The following ODAD2 variants were observed in gnomAD, a reference collection of about 807,000 sequenced individuals.
ODAD2 encodes the protein outer dynein arm docking complex subunit 2.
In ODAD2, 89 loss-of-function variants were observed where a neutral mutation model predicts 106.8. That is an observed-to-expected ratio of 0.83 (90% CI 0.70 to 0.99). The LOEUF is 0.99. Among genes scored for constraint, ODAD2 ranks in the 50% least tolerant of loss-of-function variants. The probability of loss-of-function intolerance (pLI) is 0.00; values close to 1 mark genes in which losing one functional copy is unlikely to be tolerated. For missense variants in ODAD2, 1,168 were observed against 1,238.5 expected (o/e 0.94, Z 0.85); for synonymous variants, 404 against 436.2 (o/e 0.93, Z 0.92).
At chr10:27,993,250 G>A (rs1850339211) in intron 2 of ODAD2, among the ~76,000 whole-genome samples, 1 of 152,170 alleles carries the variant, frequency 6.6e-6, no homozygotes, top group Admixed American at 6.6e-5. Flanking sequence ...TTTTACGTAG[G>A]AGATCATATT....
intron 7 of ODAD2, among the ~76,000 whole-genome samples, chr10:27,972,080 TAAC>T (rs759132626): frequency 1.3e-5 from 2 of 152,150 alleles, no homozygotes; most frequent in Non-Finnish European, 2.9e-5. Flanking sequence ...GCAAAAATAG[TAAC>T]AACGTTTTGA....
chr10:27,924,795 T>C (rs1202532893), intron 16 of ODAD2, among the ~76,000 whole-genome samples: 1 of 151,216 alleles, frequency 6.6e-6, no homozygotes, highest in Non-Finnish European at 1.5e-5. Flanking sequence ...CCTAATAAAA[T>C]GCAGATTTCC....
At chr10:27,852,767 C>A (rs1839358863) in intron 19 of ODAD2, among the ~76,000 whole-genome samples, 1 of 151,440 alleles carries the variant, frequency 6.6e-6, no homozygotes, top group Non-Finnish European at 1.5e-5. Flanking sequence ...TCGAGACCAG[C>A]CTGACCAACA....
chr10:27,812,526 C>T lies in ODAD2; in HGVS notation c.3121G>A (p.Ala1041Thr), dbSNP rs3737184. The T allele has an allele frequency of 1.9e-6, 3 of 1,612,856 alleles. No individual in the cohort carries two copies. The highest frequency in any genetic ancestry group is 1.3e-5 in the African/African-American group (1 of 74,964). The stretch of plus-strand genomic sequence containing the variant: ...CCATTTAAATTTCAAGTGTATCTTG[C>T]CTTCTCTGTAGCAAGAGCCAGCCTG... ...IRRLALATEK[A>T]RYT The change falls in exon 20 of 20, where the codon GCA becomes ACA. Residue 1041 changes from alanine (A) to threonine (T), a missense_variant. Ala to Thr is a moderately conservative substitution (Grantham distance 58). This residue lies in a region of ODAD2 where 701 missense variants were observed against 712.3 expected (regional missense o/e 0.98). Coordinates refer to ENST00000305242, the MANE Select transcript of ODAD2 (RefSeq NM_018076.5).
chr10:27,948,066 TGCA>T (rs1018921606), intron 10 of ODAD2, among the ~76,000 whole-genome samples: 18 of 152,180 alleles, frequency 1.2e-4, no homozygotes, highest in African/African-American at 3.9e-4. Context: ...GCCATTTAAT[TGCA>T]GCAGATGTCC....
chr10:27,939,983 C>CT lies in ODAD2; in HGVS notation c.2010dup (p.Ala671SerfsTer6), dbSNP rs1564526396. 5 of 1,609,878 alleles carry CT rather than the reference C, an allele frequency of 3.1e-6. No individual in the cohort carries two copies. In the South Asian group the frequency reaches 5.5e-5, roughly 18 times the overall value. On this transcript the variant is annotated frameshift_variant, in exon 14 of 20. Coordinates refer to ENST00000305242, the MANE Select transcript of ODAD2 (RefSeq NM_018076.5). LOFTEE classifies it high-confidence loss of function. ...ACAAGGTTTTCAATGATCCTTTCTG[C>CT]TTTGATTGCAGCCCGGTAGTTTTCC...
rs1437209174 is a variant in ODAD2, at chr10:27,882,209, G to GAAAA, written c.2611-19588_2611-19587insTTTT. ...AGAAAGAAAGAAAGAAAGAAAGAAA[G>GAAAA]AAAGAAAGAAAGAAAGAAAGAAAGA... On this transcript the variant is annotated intron_variant, in intron 17 of 19. Transcript: ENST00000305242. Among the ~76,000 whole-genome samples, 24 of 150,976 alleles carry GAAAA rather than the reference G, an allele frequency of 1.6e-4. No homozygotes were observed. The South Asian group carries it at 2.1e-3, about 13-fold the overall frequency.
At chr10:27,971,063 G>C (rs1201958771) in intron 8 of ODAD2, 45 bp downstream of exon 8, 1 of 1,226,020 alleles carries the variant, frequency 8.2e-7, no homozygotes, top group African/African-American at 1.5e-5. Context: ...AGGTGAGTAT[G>C]GTTACTAATG....
chr10:27,944,988 G>A (rs1350920869), intron 10 of ODAD2, 26 bp from the exon 11 acceptor site: 1 of 1,612,854 alleles, frequency 6.2e-7, no homozygotes, highest in Non-Finnish European at 8.5e-7. Flanking sequence ...GCCAGAGAAA[G>A]GTTAAGGAAC....
At chr10:27,994,894 T>C in intron 2 of ODAD2, 25 bp downstream of exon 2, 1 of 1,612,170 alleles carries the variant, frequency 6.2e-7, no homozygotes, top group Non-Finnish European at 8.5e-7. Flanking sequence ...AGATATCAAA[T>C]CCTAGAAGCA....
At chr10:27,910,598 CA>C (rs925460713) in intron 16 of ODAD2, among the ~76,000 whole-genome samples, 1 of 150,468 alleles carries the variant, frequency 6.6e-6, no homozygotes, top group African/African-American at 2.4e-5. Context: ...ACAAAAAATA[CA>C]AAAAAAAATT....
At chr10:27,817,321 T>C (rs926021596) in intron 19 of ODAD2, among the ~76,000 whole-genome samples, 1 of 152,206 alleles carries the variant, frequency 6.6e-6, no homozygotes, top group Non-Finnish European at 1.5e-5. Flanking sequence ...TATACCTCAC[T>C]TTACTGTATA....
chr10:27,875,540 T>C (rs1376170922), intron 17 of ODAD2, among the ~76,000 whole-genome samples: 1 of 152,222 alleles, frequency 6.6e-6, no homozygotes, highest in Non-Finnish European at 1.5e-5. Flanking sequence ...TTGGTGTGGA[T>C]GTCCTTTCTG....
intron 19 of ODAD2, among the ~76,000 whole-genome samples, chr10:27,830,368 C>T (rs1837383278): frequency 6.6e-6 from 1 of 152,190 alleles, no homozygotes; most frequent in Admixed American, 6.5e-5. Flanking sequence ...GTCCCTGAAG[C>T]TCTCATTCTC....
At chr10:27,869,540 CT>C (rs35782656) in intron 17 of ODAD2, among the ~76,000 whole-genome samples, 78,286 of 139,710 alleles carry the variant, frequency 0.56, 22,093 homozygotes, top group Middle Eastern at 0.69. Context: ...TTTTCTTTTT[CT>C]TTTTTTTTTT....
In ODAD2 at chr10:27,899,464, A is replaced by G. The variant is rs538129622; in HGVS notation, c.2610+8199T>C. Reference sequence around the variant, plus strand: ...GGTGCCCGGAATGCCAGCGAGACAGAACTGTTCACACTCCTGGAAAGGAGG... The same window carrying G: ...GGTGCCCGGAATGCCAGCGAGACAGGACTGTTCACACTCCTGGAAAGGAGG... On this transcript the variant is annotated intron_variant, in intron 17 of 19. Coordinates refer to ENST00000305242, the MANE Select transcript of ODAD2 (RefSeq NM_018076.5). Among the ~76,000 whole-genome samples, 13 of 152,094 alleles carry G rather than the reference A, an allele frequency of 8.5e-5. No individual in the cohort carries two copies. The South Asian group carries it at 2.7e-3, about 32-fold the overall frequency.
chr10:27,935,104 G>T lies in ODAD2; in HGVS notation c.2401C>A (p.Pro801Thr), dbSNP rs1431485797. The T allele has an allele frequency of 1.7e-5, 28 of 1,613,848 alleles. No homozygotes were observed. The highest frequency in any genetic ancestry group is 2.3e-5 in the Non-Finnish European group (27 of 1,179,912). ...VIVRKCGGIQPLVNLLVGINQ... is the reference protein window; with the variant it reads ...VIVRKCGGIQTLVNLLVGINQ... ...ATTCCAACAAGGAGGTTCACAAGTG[G>T]TTGAATGCCACCACATTTCCGGACA... The change falls in exon 16 of 20, where the codon CCA becomes ACA. Residue 801 changes from proline to threonine, a missense_variant. By Grantham distance (38) the Pro-to-Thr change is conservative. This residue lies in a region of ODAD2 where 701 missense variants were observed against 712.3 expected (regional missense o/e 0.98). Transcript: ENST00000305242.
At chr10:27,842,442 GTGCCTC>G (rs1838376259) in intron 19 of ODAD2, among the ~76,000 whole-genome samples, 1 of 152,148 alleles carries the variant, frequency 6.6e-6, no homozygotes, top group Admixed American at 6.5e-5. Flanking sequence ...TCAAGAGATT[GTGCCTC>G]CAATTAGCAA....
chr10:27,833,830 G>A (rs969606160), intron 19 of ODAD2, among the ~76,000 whole-genome samples: 2 of 152,186 alleles, frequency 1.3e-5, no homozygotes, highest in Non-Finnish European at 2.9e-5. Flanking sequence ...AGTCCTGGGC[G>A]ACTACAGACA....
Sources: gnomAD v4.1 joint callset for allele counts (sites outside exome capture counted in the v4.1 genomes callset) on GRCh38, gnomAD v4.1.1 for gene constraint, gnomAD v4.1.1 regional missense constraint, MANE v1.5 for transcripts, NCBI Gene and HGNC (gene_info 2026-07-23, HGNC 2026-07-21) for gene names.